Variants in DDIAS observed in about 807,000 individuals in gnomAD.
DDIAS encodes the protein DNA damage induced apoptosis suppressor, also known as DNA damage-induced apoptosis suppressor protein.
DDIAS carries 14 observed loss-of-function variants against 15.7 expected under a neutral mutation model. The ratio of observed to expected loss-of-function variants is 0.89; its 90% CI spans 0.59 to 1.39. The LOEUF (loss-of-function observed/expected upper bound fraction) is 1.39, where lower values mean the gene tolerates loss of function less well. Ranked by LOEUF, DDIAS falls within the 40% of genes most tolerant of loss-of-function variation. The pLI is 0.00. For synonymous variants in DDIAS, 355 were observed against 395.9 expected, an observed-to-expected ratio of 0.90 and a Z score of 1.23; for missense variants, 1,035 against 1,130.9, an observed-to-expected ratio of 0.92 and a Z score of 1.22.
intron 1 of DDIAS, among the ~76,000 whole-genome samples, chr11:82,910,915 C>T (rs1860520886): frequency 6.6e-6 from 1 of 152,120 alleles, no homozygotes; most frequent in South Asian, 2.1e-4. Context: ...CTGACCACTG[C>T]AATAAAGCAA....
intron 1 of DDIAS, among the ~76,000 whole-genome samples, chr11:82,910,602 CTCTCTTTTT>C (rs780583236): frequency 8.5e-5 from 11 of 129,144 alleles, no homozygotes; most frequent in South Asian, 2.5e-4. Context: ...TTCTCTCTCT[CTCTCTTTTT>C]TTTTTTTTTT....
Position 82,933,559 on chromosome 11 carries a change from G to A in DDIAS, c.2221G>A (p.Asp741Asn). ...AAAATTATCCTTGCAAAGCCTATCT[G>A]ACTCTAGGCATTCAAGAACATGCTC... ...SQKLSLQSLS[D>N]SRHSRTCSPT... Residue 741 changes from aspartate (D) to asparagine (N), a missense_variant, in exon 6 of 6, where the codon GAC becomes AAC. Asp to Asn is a conservative substitution (Grantham distance 23). Transcript: ENST00000533655. 1 of 1,614,022 alleles carries A rather than the reference G, an allele frequency of 6.2e-7. No homozygotes were observed. The highest frequency in any genetic ancestry group is 8.5e-7 in the Non-Finnish European group (1 of 1,179,948).
chr11:82,920,415 G>A (rs186270943), intron 3 of DDIAS, among the ~76,000 whole-genome samples: 107 of 152,048 alleles, frequency 7.0e-4, no homozygotes, highest in African/African-American at 2.4e-3. Context: ...TCTTCTGCTG[G>A]GTTTCGGTTT....
intron 1 of DDIAS, among the ~76,000 whole-genome samples, chr11:82,907,559 G>A (rs1860457289): frequency 6.6e-6 from 1 of 152,164 alleles, no homozygotes; most frequent in African/African-American, 2.4e-5. Flanking sequence ...AATAAATTTT[G>A]TTTTGAGACT....
intron 3 of DDIAS, 142 bp from the exon 4 acceptor site, chr11:82,928,635 C>A: frequency 1.3e-6 from 1 of 796,996 alleles, no homozygotes; most frequent in Non-Finnish European, 1.9e-6. Context: ...ATAAGTTGAT[C>A]TGAAAGAGTT....
intron 3 of DDIAS, among the ~76,000 whole-genome samples, chr11:82,925,139 T>C (rs1860832908): frequency 6.6e-6 from 1 of 152,246 alleles, no homozygotes; most frequent in Non-Finnish European, 1.5e-5. Flanking sequence ...AAAACAATGC[T>C]GGTCTCTTCT....
intron 3 of DDIAS, among the ~76,000 whole-genome samples, chr11:82,923,452 A>AG (rs1228168048): frequency 6.6e-6 from 1 of 152,250 alleles, no homozygotes; most frequent in Non-Finnish European, 1.5e-5. Context: ...GAGATGCTGA[A>AG]GAACAGAGAG....
intron 1 of DDIAS, among the ~76,000 whole-genome samples, chr11:82,907,979 A>G (rs556598734): frequency 2.0e-5 from 3 of 152,226 alleles, no homozygotes; most frequent in African/African-American, 7.2e-5. Context: ...AACAAAAATA[A>G]GTAAGCAAAG....
intron 3 of DDIAS, among the ~76,000 whole-genome samples, chr11:82,921,455 T>G (rs1427234471): frequency 2.6e-5 from 4 of 152,060 alleles, no homozygotes; most frequent in African/African-American, 9.7e-5. Flanking sequence ...CTTTTTAAAT[T>G]GTTTTTGTTT....
chr11:82,916,507 T>A (rs1233951899), intron 3 of DDIAS, among the ~76,000 whole-genome samples: 2 of 151,548 alleles, frequency 1.3e-5, no homozygotes, highest in African/African-American at 4.9e-5. Flanking sequence ...TAGGTTAATA[T>A]ACATAACATG....
In DDIAS at chr11:82,930,140, CT is replaced by C; in HGVS notation, c.276-10del. ...AAAGTTCATTGCTTCACATTTTTTACTTTTTTTCCAATCAAGGTACATTCAG... is the reference window on the plus strand; with the variant it reads ...AAAGTTCATTGCTTCACATTTTTTACTTTTTTCCAATCAAGGTACATTCAG... On this transcript the variant is annotated splice_polypyrimidine_tract_variant and intron_variant, in intron 4 of 5. Transcript: ENST00000533655. 7 of 1,435,328 alleles carry C rather than the reference CT, an allele frequency of 4.9e-6. No homozygotes were observed. In the Admixed American group the frequency reaches 8.7e-5, roughly 18 times the overall value. 88.9% of individuals were successfully genotyped at this position (1,435,328 alleles called of 1,614,324 possible). A position where few individuals can be genotyped will look rare whatever the true frequency, so the allele number is the denominator to read the frequency against.
intron 1 of DDIAS, among the ~76,000 whole-genome samples, chr11:82,902,721 T>C (rs994626064): frequency 3.3e-5 from 5 of 152,208 alleles, no homozygotes; most frequent in Non-Finnish European, 5.9e-5. Context: ...GGCTAATTCT[T>C]AGTCAGTTTG....
intron 1 of DDIAS, among the ~76,000 whole-genome samples, chr11:82,913,075 T>G (rs1860557331): frequency 6.6e-6 from 1 of 152,244 alleles, no homozygotes; most frequent in East Asian, 1.9e-4. Flanking sequence ...AAATGAAAAC[T>G]TTTGAAATAT....
At position 82,932,163 on chromosome 11, in the gene DDIAS, G is replaced by A. The variant is rs1480094133; in HGVS notation, c.825G>A (p.Lys275=). 1.2e-6 allele frequency: 2 copies of A among 1,614,162 alleles called. No individual in the cohort carries two copies. Among genetic ancestry groups the A allele is most frequent in the Admixed American group, 3.3e-5 (2 of 60,010 alleles). ...TTGGTACTCTTCAGCAGAACAGAAA[G>A]TCCATCTCCATTGCAGAGGCCACTG... The part of the protein sequence containing the change: ...KAFGTLQQNR[K]SISIAEATGS... Residue 275 remains lysine, a synonymous_variant, in exon 6 of 6, where the codon AAG becomes AAA. Coordinates refer to ENST00000533655, the MANE Select transcript of DDIAS (RefSeq NM_145018.4).
intron 1 of DDIAS, among the ~76,000 whole-genome samples, chr11:82,909,786 G>A (rs1860491518): frequency 6.6e-6 from 1 of 152,138 alleles, no homozygotes; most frequent in South Asian, 2.1e-4. Context: ...GTATATATAA[G>A]AGTCCCAACA....
chr11:82,910,647 A>C (rs1326632516), intron 1 of DDIAS, among the ~76,000 whole-genome samples: 8 of 110,662 alleles, frequency 7.2e-5, no homozygotes, highest in Admixed American at 1.2e-4. Flanking sequence ...AACAAGTCTC[A>C]CTCTTTCACC....
At chr11:82,913,861 C>G (rs1860571182) in intron 2 of DDIAS, 1 of 394,900 alleles carries the variant, frequency 2.5e-6, no homozygotes, top group African/African-American at 2.1e-5. Context: ...GGAATGGGAC[C>G]CAAGTCTAAA....
Position 82,933,369 on chromosome 11 carries a change from T to C in DDIAS, c.2031T>C (p.Ala677=). 1 of 1,614,076 alleles carries C rather than the reference T, an allele frequency of 6.2e-7. No homozygotes were observed. Among genetic ancestry groups the C allele is most frequent in the Non-Finnish European group, 8.5e-7 (1 of 1,179,952 alleles). The stretch of plus-strand genomic sequence containing the variant: ...ATGAAGGTAGCTATGATGCCTCTGC[T>C]GATCTCTTTGATGATATTGCTAAAG... ...IGYEGSYDAS[A]DLFDDIAKEM... Residue 677 remains alanine (A), a synonymous_variant, in exon 6 of 6, where the codon GCT becomes GCC. Transcript: ENST00000533655.
intron 3 of DDIAS, among the ~76,000 whole-genome samples, chr11:82,918,711 G>A (rs1453683065): frequency 6.6e-6 from 1 of 152,178 alleles, no homozygotes; most frequent in Non-Finnish European, 1.5e-5. Context: ...AGCATGGGAT[G>A]TGTTTCCATT....
Sources: gnomAD v4.1 joint callset for allele counts (sites outside exome capture counted in the v4.1 genomes callset) on GRCh38, gnomAD v4.1.1 for gene constraint, MANE v1.5 for transcripts, NCBI Gene and HGNC (gene_info 2026-07-23, HGNC 2026-07-21) for gene names.